Variants in PCDH20 observed in about 807,000 individuals in gnomAD.
PCDH20 encodes the protein protocadherin-20.
Under a neutral mutation model 39.7 loss-of-function variants are expected in PCDH20, and 18 were observed. The ratio of observed to expected loss-of-function variants is 0.45; its 90% CI spans 0.31 to 0.67. The LOEUF (loss-of-function observed/expected upper bound fraction) is 0.67. Among genes scored for constraint, PCDH20 ranks in the 30% least tolerant of loss-of-function variants. The pLI, the probability that PCDH20 is intolerant of heterozygous loss-of-function variation, is 0.05. For missense variants in PCDH20, 1,161 were observed against 1,167.4 expected (o/e 0.99, Z 0.08); for synonymous variants, 495 against 455.4 (o/e 1.09, Z -1.11).
rs200059074 is a variant in PCDH20 at position 61,415,028 on chromosome 13, G to A, written c.131C>T (p.Pro44Leu). The change falls in exon 1 of 2, where the codon CCG (proline) becomes CTG (leucine). Residue 44 changes from proline to leucine, a missense_variant and splice_region_variant. Physicochemically the swap from Pro to Leu is moderately conservative, Grantham distance 98. This residue lies in a region of PCDH20 where 401 missense variants were observed against 368.7 expected (regional missense o/e 1.09). Transcript: ENST00000409204. ...GGGTTCCTTGACCCTAACCCTTACC[G>A]GCAGGTTCCTGTAGCTGGTGCTGCT... The A allele has an allele frequency of 1.6e-4, 230 of 1,481,040 alleles. No individual in the cohort carries two copies. The highest frequency in any genetic ancestry group is 4.6e-4 in the Admixed American group (21 of 45,394). 91.7% of individuals were successfully genotyped at this position (1,481,040 alleles called of 1,614,324 possible).
At chr13:61,409,967 T>C (rs1191512973) in exon 2 of PCDH20, 2 of 152,076 alleles carry the variant, frequency 1.3e-5, no homozygotes, top group African/African-American at 4.8e-5. Context: ...ACATTCCTTG[T>C]TTATACAGAT....
At chr13:61,413,483 C>T (rs950627781) in exon 2 of PCDH20, 1 of 1,613,810 alleles carries the variant, frequency 6.2e-7, no homozygotes, top group Non-Finnish European at 8.5e-7. Flanking sequence ...AACTGCGGGG[C>T]GTTGTCATTG....
chr13:61,413,865 C>T (rs1593785341), exon 2 of PCDH20: 3 of 1,613,406 alleles, frequency 1.9e-6, no homozygotes, highest in South Asian at 2.2e-5. Context: ...TGAGCACCCC[C>T]GCGGGTAGTC....
At chr13:61,410,929 A>C in exon 2 of PCDH20, 1 of 182,646 alleles carries the variant, frequency 5.5e-6, no homozygotes. Flanking sequence ...AATTTGTTCC[A>C]TTTTTCTTAC....
chr13:61,415,164 G>A (rs1298981446), exon 1 of PCDH20: 2 of 1,415,852 alleles, frequency 1.4e-6, no homozygotes, highest in Admixed American at 2.7e-5. Flanking sequence ...CGCATTCCCT[G>A]GGAGGCTGCA....
chr13:61,410,226 T>C (rs1452335502), exon 2 of PCDH20: 9 of 152,110 alleles, frequency 5.9e-5, no homozygotes, highest in African/African-American at 1.9e-4. Flanking sequence ...AACTTTCATA[T>C]AAAAGGCCCA....
At chr13:61,411,115 A>AT in exon 2 of PCDH20, 1 of 793,990 alleles carries the variant, frequency 1.3e-6, no homozygotes, top group Admixed American at 2.9e-5. Context: ...GTAAACAGCT[A>AT]TTTACAATAT....
rs961834590 is a variant in PCDH20, at chr13:61,415,306, A to C, written c.-148T>G. The C allele has an allele frequency of 4.3e-6, 4 of 937,830 alleles. No individual in the cohort carries two copies. In the African/African-American group the frequency reaches 6.9e-5, roughly 16 times the overall value. 58.1% of individuals were successfully genotyped at this position (937,830 alleles called of 1,614,324 possible). A position where few individuals can be genotyped will look rare whatever the true frequency, so the allele number is the denominator to read the frequency against. On this transcript the variant is annotated 5_prime_UTR_variant, in exon 1 of 2. Coordinates refer to ENST00000409204, the Ensembl canonical transcript of PCDH20. ...GGAACTCAAAGAGTGGCAGAAAGGC[A>C]AGAGGGCAGAAGGGCACATTCATGG...
At chr13:61,413,993 C>A in intron 1 of PCDH20, 27 bp from the exon 2 acceptor site, 2 of 1,565,622 alleles carry the variant, frequency 1.3e-6, no homozygotes, top group South Asian at 2.3e-5. Flanking sequence ...GAAGAAAGCT[C>A]ATTACACACA....
At chr13:61,415,298 A>T in exon 1 of PCDH20, 2 of 1,070,848 alleles carry the variant, frequency 1.9e-6, no homozygotes, top group Non-Finnish European at 1.2e-6. Flanking sequence ...AAAGAGTGGC[A>T]GAAAGGCAAG....
chr13:61,415,140 C>G (rs1190420372), exon 1 of PCDH20: 9 of 1,474,554 alleles, frequency 6.1e-6, no homozygotes, highest in Non-Finnish European at 8.2e-6. Context: ...GAGCTGCGCG[C>G]ATTCCCTCGG....
chr13:61,415,591 C>T (rs991583544), upstream of PCDH20: 2 of 153,782 alleles, frequency 1.3e-5, no homozygotes, highest in South Asian at 2.1e-4. Flanking sequence ...CAATCACAGG[C>T]GCGGTCCCAA....
At chr13:61,410,991 C>G in exon 2 of PCDH20, 1 of 222,390 alleles carries the variant, frequency 4.5e-6, no homozygotes, top group East Asian at 8.1e-5. Context: ...AGCTGCAAAC[C>G]ATGTCCAAGC....
chr13:61,414,736 C>A (rs578014211), intron 1 of PCDH20, among the ~76,000 whole-genome samples: 127 of 152,278 alleles, frequency 8.3e-4, no homozygotes, highest in Non-Finnish European at 1.4e-3. Flanking sequence ...ACGCCAGCAG[C>A]AGGAAACGAT....
chr13:61,409,961 T>C (rs552487618), exon 2 of PCDH20: 1 of 152,210 alleles, frequency 6.6e-6, no homozygotes, highest in South Asian at 2.1e-4. Flanking sequence ...GCTAACACAT[T>C]CCTTGTTTAT....
chr13:61,412,549 A>G (rs1282641705), exon 2 of PCDH20: 1 of 1,614,090 alleles, frequency 6.2e-7, no homozygotes, highest in Admixed American at 1.7e-5. Flanking sequence ...GACCCTTTTG[A>G]CATGAAATCC....
At chr13:61,415,376 C>A in exon 1 of PCDH20, 1 of 478,180 alleles carries the variant, frequency 2.1e-6, no homozygotes, top group South Asian at 9.2e-5. Flanking sequence ...GCCAGAGGAG[C>A]TGGAATGGGG....
rs893533220 is a variant in PCDH20 at position 61,415,224 on chromosome 13, C to T, written c.-66G>A. On this transcript the variant is annotated 5_prime_UTR_variant, in exon 1 of 2. The change abolishes an upstream ATG in the 5' untranslated region. Coordinates refer to ENST00000409204, the Ensembl canonical transcript of PCDH20. ...CGGCAGAAGACACTCCCTCTCGGTT[C>T]ATGCAAATCGCTGGGGGAACTTCAG... 19 of 1,293,632 alleles carry T rather than the reference C, an allele frequency of 1.5e-5. No homozygotes were observed. Among genetic ancestry groups the T allele is most frequent in the Admixed American group, 3.9e-5 (1 of 25,724 alleles). 80.1% of individuals were successfully genotyped at this position (1,293,632 alleles called of 1,614,324 possible). A position where few individuals can be genotyped will look rare whatever the true frequency, so the allele number is the denominator to read the frequency against.
At chr13:61,412,761 G>C (rs1188503569) in exon 2 of PCDH20, 1 of 1,613,952 alleles carries the variant, frequency 6.2e-7, no homozygotes, top group Admixed American at 1.7e-5. Context: ...GAGTGTTAAC[G>C]GGTTCCAGTT....
Sources: gnomAD v4.1 joint callset for allele counts (sites outside exome capture counted in the v4.1 genomes callset) on GRCh38, gnomAD v4.1.1 for gene constraint, gnomAD v4.1.1 regional missense constraint, MANE v1.5 for transcripts, NCBI Gene and HGNC (gene_info 2026-07-23, HGNC 2026-07-21) for gene names.